Variants in ARID4B observed in about 807,000 individuals in gnomAD.
ARID4B encodes the protein AT-rich interaction domain 4B.
In ARID4B, 26 loss-of-function variants were observed where a neutral mutation model predicts 147.5. That is an observed-to-expected ratio of 0.18 (90% confidence interval 0.13 to 0.24). ARID4B has a LOEUF of 0.24. Among genes scored for constraint, ARID4B ranks in the 10% least tolerant of loss-of-function variants. The probability of loss-of-function intolerance (pLI) is 1.00; values close to 1 mark genes in which losing one functional copy is unlikely to be tolerated. For synonymous variants in ARID4B, 512 were observed against 507.9 expected (o/e 1.01, Z -0.11); for missense variants, 1,179 against 1,511.5 (o/e 0.78, Z 3.65).
chr1:235,248,863 G>T (rs970987121), intron 6 of ARID4B, among the ~76,000 whole-genome samples: 2 of 152,120 alleles, frequency 1.3e-5, no homozygotes, highest in South Asian at 4.1e-4. Context: ...GACCTAAAGA[G>T]CAAAAACCAG....
At chr1:235,245,501 T>TA (rs1388106444) in intron 7 of ARID4B, among the ~76,000 whole-genome samples, 1 of 152,010 alleles carries the variant, frequency 6.6e-6, no homozygotes, top group South Asian at 2.1e-4. Flanking sequence ...TTCTAAAAAT[T>TA]AAAAAAACTT....
intron 7 of ARID4B, among the ~76,000 whole-genome samples, chr1:235,245,129 G>T (rs775177922): frequency 4.6e-5 from 7 of 152,176 alleles, no homozygotes; most frequent in East Asian, 1.9e-4. Flanking sequence ...CTTTACACAT[G>T]TATAACACAA....
intron 7 of ARID4B, among the ~76,000 whole-genome samples, chr1:235,240,995 T>A (rs767603731): frequency 9.2e-5 from 14 of 152,204 alleles, no homozygotes; most frequent in Non-Finnish European, 1.3e-4. Flanking sequence ...CTCTTTTGTA[T>A]GATGCTAAAA....
intron 2 of ARID4B, among the ~76,000 whole-genome samples, chr1:235,316,067 A>G (rs1037618127): frequency 6.6e-6 from 1 of 152,174 alleles, no homozygotes; most frequent in Non-Finnish European, 1.5e-5. Flanking sequence ...TACAGACTAC[A>G]ATTCCAGATT....
At chr1:235,214,176 T>A in intron 16 of ARID4B, 150 bp from the exon 17 acceptor site, 1 of 921,168 alleles carries the variant, frequency 1.1e-6, no homozygotes, top group Non-Finnish European at 1.6e-6. Context: ...TTCATTTTAC[T>A]ATTAAAAACT....
chr1:235,181,854 G>A lies in ARID4B; in HGVS notation c.3065C>T (p.Thr1022Ile), dbSNP rs1180606538. The change falls in exon 20 of 24, where the codon ACC (threonine) becomes ATC (isoleucine). Residue 1022 changes from threonine to isoleucine, a missense_variant. By Grantham distance (89) the Thr-to-Ile change is moderately conservative. Coordinates refer to ENST00000264183, the MANE Select transcript of ARID4B (RefSeq NM_016374.6). Reference protein sequence around the residue: ...PSSGSNSVLNTPPTTPESPSS... With the variant: ...PSSGSNSVLNIPPTTPESPSS... ...AGGCGATTCAGGTGTAGTAGGAGGG[G>A]TATTTAGCACTGAATTACTGCCACT... 6.2e-7 allele frequency: 1 copy of A among 1,614,010 alleles called. No homozygotes were observed. The highest frequency in any genetic ancestry group is 8.5e-7 in the Non-Finnish European group (1 of 1,180,042).
At chr1:235,198,059 T>C (rs1245382155) in intron 17 of ARID4B, among the ~76,000 whole-genome samples, 1 of 152,182 alleles carries the variant, frequency 6.6e-6, no homozygotes, top group East Asian at 1.9e-4. Flanking sequence ...AAAGAAGAAG[T>C]CAAGATATCA....
Position 235,229,214 on chromosome 1 carries a change from C to G in ARID4B, c.897+17G>C, listed in dbSNP as rs1668044437. ...TGTTATTTATAATTTTAAAAGGTAT[C>G]AACTGTTTTCACTTACTTCTTCTTC... On this transcript the variant is annotated intron_variant, in intron 11 of 23. Coordinates refer to ENST00000264183, the MANE Select transcript of ARID4B (RefSeq NM_016374.6). The G allele has an allele frequency of 1.9e-6, 3 of 1,606,046 alleles. No individual in the cohort carries two copies. The highest frequency in any genetic ancestry group is 4.5e-5 in the East Asian group (2 of 44,724).
intron 2 of ARID4B, among the ~76,000 whole-genome samples, chr1:235,299,013 G>GGAGGCA (rs1672943484): frequency 6.6e-6 from 1 of 152,080 alleles, no homozygotes; most frequent in African/African-American, 2.4e-5. Flanking sequence ...AAGCTACTCG[G>GGAGGCA]GAGGCAGAGG....
chr1:235,294,113 G>C (rs60033937), intron 2 of ARID4B, among the ~76,000 whole-genome samples: 5 of 151,618 alleles, frequency 3.3e-5, no homozygotes, highest in African/African-American at 9.7e-5. Context: ...ATTATAAAAC[G>C]CAATATATAA....
chr1:235,317,537 A>G (rs1047653429), intron 2 of ARID4B, among the ~76,000 whole-genome samples: 1 of 152,222 alleles, frequency 6.6e-6, no homozygotes. Flanking sequence ...TAAGGTGAAC[A>G]TGAAGATAGT....
chr1:235,311,822 C>T (rs1440012263), intron 2 of ARID4B, among the ~76,000 whole-genome samples: 1 of 152,082 alleles, frequency 6.6e-6, no homozygotes, highest in East Asian at 1.9e-4. Context: ...ACAGTACCTA[C>T]TGAATACTAA....
intron 4 of ARID4B, 73 bp downstream of exon 4, chr1:235,257,087 C>T: frequency 1.0e-6 from 1 of 997,124 alleles, no homozygotes. Flanking sequence ...ACAAAAGAGC[C>T]AATGAATTAA....
intron 2 of ARID4B, among the ~76,000 whole-genome samples, chr1:235,266,960 C>G (rs1670646526): frequency 6.6e-6 from 1 of 152,144 alleles, no homozygotes; most frequent in Non-Finnish European, 1.5e-5. Context: ...AATCAGAAAA[C>G]AAGAGTATTA....
At chr1:235,297,297 G>C (rs1379358862) in intron 2 of ARID4B, among the ~76,000 whole-genome samples, 1 of 151,934 alleles carries the variant, frequency 6.6e-6, no homozygotes, top group African/African-American at 2.4e-5. Context: ...AATAATAAAA[G>C]AAAGAAGAAA....
At chr1:235,208,230 A>G (rs2093406) in intron 17 of ARID4B, among the ~76,000 whole-genome samples, 44,606 of 152,132 alleles carry the variant, frequency 0.29, 7,689 homozygotes, top group South Asian at 0.53. Context: ...CAACACACTC[A>G]ACTAGTTTAC....
chr1:235,260,815 C>G (rs905293814), intron 2 of ARID4B, 63 bp from the exon 3 acceptor site: 35 of 1,139,894 alleles, frequency 3.1e-5, no homozygotes, highest in Non-Finnish European at 4.2e-5. Flanking sequence ...AATCAGACCT[C>G]AGAATAGTGA....
rs552640915 is a variant in ARID4B, at chr1:235,170,940, C to T, written c.3811+1678G>A. Among the ~76,000 whole-genome samples, 4 of 146,762 alleles carry T rather than the reference C, an allele frequency of 2.7e-5. No individual in the cohort carries two copies. The East Asian group carries it at 8.0e-4, about 29-fold the overall frequency. The stretch of plus-strand genomic sequence containing the variant: ...AAAAAAAAAAAAAAAAAAAACCACA[C>T]ACACACAAGTGGAAGCATAGTTCAG... On this transcript the variant is annotated intron_variant, in intron 23 of 23. Coordinates refer to ENST00000264183, the MANE Select transcript of ARID4B (RefSeq NM_016374.6).
rs1668597409 is a variant in ARID4B, at chr1:235,236,833, A to ATATATATATATATATATATATGTGTGT, written c.586-2342_586-2341insACACACATATATATATATATATATATA. On this transcript the variant is annotated intron_variant, in intron 8 of 23. Coordinates refer to ENST00000264183, the MANE Select transcript of ARID4B (RefSeq NM_016374.6). ...TGGCCCACAAAACGGTTTTATAAAA[A>ATATATATATATATATATATATGTGTGT]ATATATATATATATATATATATATA... is the stretch of plus-strand genomic sequence containing the variant. 1.5e-4 allele frequency among the ~76,000 whole-genome samples: 5 copies of ATATATATATATATATATATATGTGTGT among 33,522 alleles called. 1 individual carries two copies. Among genetic ancestry groups the ATATATATATATATATATATATGTGTGT allele is most frequent in the Non-Finnish European group, 2.3e-4 (5 of 21,424 alleles). 22.0% of individuals were successfully genotyped at this position (33,522 alleles called of 152,430 possible).
Sources: gnomAD v4.1 joint callset for allele counts (sites outside exome capture counted in the v4.1 genomes callset) on GRCh38, gnomAD v4.1.1 for gene constraint, MANE v1.5 for transcripts, NCBI Gene and HGNC (gene_info 2026-07-23, HGNC 2026-07-21) for gene names.